The following ACTN1 variants were observed in gnomAD, a reference collection of about 807,000 sequenced individuals.
ACTN1 encodes alpha-actinin-1.
In ACTN1, 30 loss-of-function variants were observed where a neutral mutation model predicts 119.6. The observed-to-expected ratio is 0.25, with a 90% confidence interval of 0.19 to 0.34. The LOEUF is 0.34. Ranked by LOEUF, ACTN1 falls within the 10% of genes least tolerant of loss-of-function variation. The pLI, the probability that ACTN1 is intolerant of heterozygous loss-of-function variation, is 1.00. For synonymous variants in ACTN1, 429 were observed against 472.6 expected (o/e 0.91, Z 1.20); for missense variants, 764 against 1,223.4 (o/e 0.62, Z 5.60).
intron 3 of ACTN1, among the ~76,000 whole-genome samples, chr14:68,918,563 C>T (rs905699707): frequency 3.4e-5 from 5 of 148,784 alleles, no homozygotes; most frequent in African/African-American, 1.2e-4. Context: ...CCAGCCTGGG[C>T]GACAGAGTGA....
At chr14:68,964,637 G>A (rs766388610) in intron 1 of ACTN1, among the ~76,000 whole-genome samples, 1 of 152,224 alleles carries the variant, frequency 6.6e-6, no homozygotes, top group Non-Finnish European at 1.5e-5. Context: ...TGAGTTGGGA[G>A]AAAATATTTA....
chr14:68,880,227 T>C lies in ACTN1; in HGVS notation c.2134-119A>G. Reference sequence around the variant, plus strand: ...CAAAGCCATCAAACTTGGCCTTCTGTGTGGCTGAGTGTCACCAGAGGAAGG... The same window carrying C: ...CAAAGCCATCAAACTTGGCCTTCTGCGTGGCTGAGTGTCACCAGAGGAAGG... On this transcript the variant is annotated intron_variant, in intron 17 of 21. Coordinates refer to ENST00000394419, the MANE Select transcript of ACTN1 (RefSeq NM_001130004.2). The surrounding 1 kb of genome is among the most constrained non-coding windows in gnomAD (Gnocchi z 4.6). 1 of 1,220,960 alleles carries C rather than the reference T, an allele frequency of 8.2e-7. No homozygotes were observed. Among genetic ancestry groups the C allele is most frequent in the Non-Finnish European group, 1.1e-6 (1 of 884,158 alleles). The allele number at this position is 1,220,960 out of a possible 1,614,324, so 75.6% of individuals were successfully genotyped here.
chr14:68,959,237 A>G (rs1236804122), intron 1 of ACTN1, among the ~76,000 whole-genome samples: 4 of 152,204 alleles, frequency 2.6e-5, no homozygotes, highest in African/African-American at 4.8e-5. Context: ...AAACCTCTGG[A>G]AACAGTGGAG....
At chr14:68,947,982 C>A (rs1025892513) in intron 1 of ACTN1, among the ~76,000 whole-genome samples, 1 of 152,198 alleles carries the variant, frequency 6.6e-6, no homozygotes, top group Non-Finnish European at 1.5e-5. Context: ...AGCACACAGC[C>A]GGCCCAAGCC....
intron 8 of ACTN1, among the ~76,000 whole-genome samples, chr14:68,897,564 A>C (rs1337121735): frequency 2.0e-5 from 3 of 152,232 alleles, no homozygotes; most frequent in Non-Finnish European, 2.9e-5. Flanking sequence ...ACGTGGCCAG[A>C]TGATGTGCTG....
At chr14:68,949,152 G>T (rs1715552644) in intron 1 of ACTN1, among the ~76,000 whole-genome samples, 1 of 152,248 alleles carries the variant, frequency 6.6e-6, no homozygotes, top group African/African-American at 2.4e-5. Context: ...CTCTGGGAGA[G>T]CCTCGGAGAG....
intron 1 of ACTN1, among the ~76,000 whole-genome samples, chr14:68,964,218 C>T (rs183749120): frequency 5.3e-5 from 8 of 152,262 alleles, no homozygotes; most frequent in Admixed American, 1.3e-4. Context: ...TGCACAGGGG[C>T]GTCATCAAAA....
intron 1 of ACTN1, among the ~76,000 whole-genome samples, chr14:68,934,486 G>C (rs1289390490): frequency 2.6e-5 from 4 of 152,228 alleles, no homozygotes. Context: ...CTGCTGGTGG[G>C]TTCAATGACA....
chr14:68,903,742 C>T (rs974490377), intron 7 of ACTN1, among the ~76,000 whole-genome samples: 5 of 152,140 alleles, frequency 3.3e-5, no homozygotes, highest in African/African-American at 7.2e-5. Context: ...AGCCTGACCC[C>T]AGCCTGGAGC....
chr14:68,956,599 C>T (rs140458169), intron 1 of ACTN1, among the ~76,000 whole-genome samples: 4 of 152,206 alleles, frequency 2.6e-5, no homozygotes, highest in Admixed American at 6.5e-5. Flanking sequence ...GTGAACCTCT[C>T]CACTTGGGTA....
chr14:68,909,752 C>T lies in ACTN1; in HGVS notation c.515+203G>A, dbSNP rs2033889907. ...AAGCATCAACCAAAGTTATATCAGG[C>T]AGCAGCCCCATCTAAGACACTGCAG... is the stretch of plus-strand genomic sequence containing the variant. On this transcript the variant is annotated intron_variant, in intron 5 of 21. Coordinates refer to ENST00000394419, the MANE Select transcript of ACTN1 (RefSeq NM_001130004.2). This position sits in a 1 kb window ranked among gnomAD's most constrained non-coding sequence, Gnocchi z 4.1. Among the ~76,000 whole-genome samples the T allele has an allele frequency of 6.6e-6, 1 of 152,182 alleles. No homozygotes were observed.
At chr14:68,877,412 G>T in intron 20 of ACTN1, 172 bp from the exon 21 acceptor site, 1 of 699,486 alleles carries the variant, frequency 1.4e-6, no homozygotes. Context: ...ACACCCAACA[G>T]GGGAGACCCA....
chr14:68,878,898 G>A lies in ACTN1; in HGVS notation c.2361+91C>T. On this transcript the variant is annotated intron_variant, in intron 19 of 21. Coordinates refer to ENST00000394419, the MANE Select transcript of ACTN1 (RefSeq NM_001130004.2). This position sits in a 1 kb window ranked among gnomAD's most constrained non-coding sequence, Gnocchi z 4.4. ...CATGGCCCACAGGAGGGGGACAGGA[G>A]ATCCAGACAGAGAGAAGAGAAAAAG... 1 of 1,602,886 alleles carries A rather than the reference G, an allele frequency of 6.2e-7. No individual in the cohort carries two copies. Among genetic ancestry groups the A allele is most frequent in the South Asian group, 1.1e-5 (1 of 90,782 alleles).
intron 3 of ACTN1, 86 bp downstream of exon 3, chr14:68,920,920 G>C: frequency 6.4e-7 from 1 of 1,556,498 alleles, no homozygotes. Flanking sequence ...TGATGCATGG[G>C]CCCAGGAGGC....
intron 6 of ACTN1, among the ~76,000 whole-genome samples, chr14:68,909,000 A>G (rs1448070884): frequency 3.3e-5 from 5 of 152,322 alleles, no homozygotes; most frequent in African/African-American, 1.2e-4. Context: ...TCCTCTTTAC[A>G]AATCCCGGAA....
rs1317672670 is a variant in ACTN1, at chr14:68,879,141, C to T, written c.2281-72G>A. ...GTGGAGCCGTGAGGGGGGCATGCCC[C>T]GGGGGAGGGTGGCGTGTGTGGGGAG... On this transcript the variant is annotated intron_variant, in intron 18 of 21. Transcript: ENST00000394419. This position sits in a 1 kb window ranked among gnomAD's most constrained non-coding sequence, Gnocchi z 4.9. The T allele has an allele frequency of 5.6e-6, 6 of 1,073,332 alleles. No homozygotes were observed. Among genetic ancestry groups the T allele is most frequent in the Non-Finnish European group, 6.9e-6 (6 of 864,054 alleles). 66.5% of individuals were successfully genotyped at this position (1,073,332 alleles called of 1,614,324 possible). A position where few individuals can be genotyped will look rare whatever the true frequency, so the allele number is the denominator to read the frequency against.
In ACTN1 at chr14:68,881,001, G is replaced by A. The variant is rs867499228; in HGVS notation, c.1954-12C>T. The A allele has an allele frequency of 6.2e-7, 1 of 1,613,554 alleles. No individual in the cohort carries two copies. Among genetic ancestry groups the A allele is most frequent in the Non-Finnish European group, 8.5e-7 (1 of 1,179,746 alleles). On this transcript the variant is annotated splice_polypyrimidine_tract_variant and intron_variant, in intron 16 of 21. Transcript: ENST00000394419. ...ATCCTCCCGATCTCCTGCTCACCGG[G>A]AAGGAAGCACCTTGTCAGACCACCT...
Position 68,979,255 on chromosome 14 carries a change from G to A in ACTN1, c.-199C>T. 1 of 414,282 alleles carries A rather than the reference G, an allele frequency of 2.4e-6. No individual in the cohort carries two copies. Among genetic ancestry groups the A allele is most frequent in the Non-Finnish European group, 4.2e-6 (1 of 236,044 alleles). The allele number at this position is 414,282 out of a possible 1,614,324, so 25.7% of individuals were successfully genotyped here. A position where few individuals can be genotyped will look rare whatever the true frequency, so the allele number is the denominator to read the frequency against. On this transcript the variant is annotated 5_prime_UTR_variant, in exon 1 of 22. Transcript: ENST00000394419. Reference sequence around the variant, plus strand: ...GGCGACAGCGGCGGCTGGGCTCGCGGACTGCCTGCCTCTGGGCGGGCGCTT... The same window carrying A: ...GGCGACAGCGGCGGCTGGGCTCGCGAACTGCCTGCCTCTGGGCGGGCGCTT...
rs181469 is a variant in ACTN1 at position 68,885,759 on chromosome 14, A to G, written c.1235-184T>C. On this transcript the variant is annotated intron_variant, in intron 11 of 21. Coordinates refer to ENST00000394419, the MANE Select transcript of ACTN1 (RefSeq NM_001130004.2). The surrounding 1 kb of genome is among the most constrained non-coding windows in gnomAD (Gnocchi z 5.6). ...AACTAGAACATCCACCAACCGGCGC[A>G]ACGGGGAAAAGCACTCTCCTCAGAG... The G allele has an allele frequency of 6.2e-3, 4,081 of 662,888 alleles. 105 individuals are homozygous for G. The African/African-American group carries it at 0.065, about 11-fold the overall frequency. The allele number at this position is 662,888 out of a possible 1,614,324, so 41.1% of individuals were successfully genotyped here. A position where few individuals can be genotyped will look rare whatever the true frequency, so the allele number is the denominator to read the frequency against.
Sources: allele counts gnomAD v4.1 joint callset (sites outside exome capture counted in the v4.1 genomes callset), GRCh38; gene constraint gnomAD v4.1.1; non-coding constraint Gnocchi (gnomAD v3.1); transcripts MANE v1.5; gene names NCBI Gene and HGNC (gene_info 2026-07-23, HGNC 2026-07-21).